Variants in DGKH observed in about 807,000 individuals in gnomAD.
The protein encoded by DGKH is DAG kinase eta.
Under a neutral mutation model 159.3 loss-of-function variants are expected in DGKH, and 90 were observed. The ratio of observed to expected loss-of-function variants is 0.57; its 90% CI spans 0.48 to 0.67. The LOEUF (loss-of-function observed/expected upper bound fraction) is 0.67. Among genes scored for constraint, DGKH ranks in the 30% least tolerant of loss-of-function variants. DGKH has a pLI of 0.00. For synonymous variants in DGKH, 536 were observed against 553.8 expected, an observed-to-expected ratio of 0.97 and a Z score of 0.45; for missense variants, 1,181 against 1,506.1, an observed-to-expected ratio of 0.78 and a Z score of 3.57.
At chr13:42,225,836 G>T (rs415359) in intron 29 of DGKH, among the ~76,000 whole-genome samples, 145,819 of 151,160 alleles carry the variant, frequency 0.96, 70,381 homozygotes, top group East Asian at 1. Flanking sequence ...AATAAAGATA[G>T]AACAAATGTC....
chr13:42,107,610 C>T (rs1021947760), intron 1 of DGKH, among the ~76,000 whole-genome samples: 1 of 152,102 alleles, frequency 6.6e-6, no homozygotes, highest in Admixed American at 6.5e-5. Flanking sequence ...ATCTGTTTTT[C>T]CTGTTTCTGT....
intron 2 of DGKH, 63 bp downstream of exon 2, chr13:42,127,636 C>A: frequency 7.4e-7 from 1 of 1,360,496 alleles, no homozygotes; most frequent in Non-Finnish European, 1.0e-6. Context: ...AATTTTGGTT[C>A]TGTAAGCTGT....
In DGKH at chr13:42,242,355, C is replaced by A. The variant is rs1958529850; in HGVS notation, c.*13167C>A. On this transcript the variant is annotated 3_prime_UTR_variant, in exon 30 of 30. Transcript: ENST00000337343. Reference sequence around the variant, plus strand: ...ACTAAGCACTTGTGTCTGAAAGATGCAGATAATATCTATCTATTTATTACA... The same window carrying A: ...ACTAAGCACTTGTGTCTGAAAGATGAAGATAATATCTATCTATTTATTACA... The A allele has an allele frequency of 6.6e-6, 1 of 152,188 alleles. No individual in the cohort carries two copies. Among genetic ancestry groups the A allele is most frequent in the Non-Finnish European group, 1.5e-5 (1 of 68,030 alleles). 9.4% of individuals were successfully genotyped at this position (152,188 alleles called of 1,614,324 possible). A position where few individuals can be genotyped will look rare whatever the true frequency, so the allele number is the denominator to read the frequency against.
At chr13:42,075,104 G>A (rs1431928212) in intron 1 of DGKH, among the ~76,000 whole-genome samples, 8 of 152,090 alleles carry the variant, frequency 5.3e-5, no homozygotes, top group Non-Finnish European at 1.2e-4. Flanking sequence ...TCATATGGTT[G>A]GATTGTTATA....
chr13:42,084,252 A>C (rs1365990556), intron 1 of DGKH, among the ~76,000 whole-genome samples: 1 of 152,192 alleles, frequency 6.6e-6, no homozygotes, highest in East Asian at 1.9e-4. Context: ...AAATCACTTA[A>C]AAATTTTTTT....
intron 20 of DGKH, among the ~76,000 whole-genome samples, chr13:42,203,305 C>G (rs993590871): frequency 1.1e-4 from 16 of 152,204 alleles, no homozygotes; most frequent in Non-Finnish European, 1.8e-4. Flanking sequence ...GTTCAAACAG[C>G]TGATAAGTGG....
intron 17 of DGKH, among the ~76,000 whole-genome samples, chr13:42,196,132 C>A (rs1957198631): frequency 1.3e-5 from 2 of 152,100 alleles, no homozygotes; most frequent in Non-Finnish European, 2.9e-5. Flanking sequence ...TGACTGTGAT[C>A]AAAATAGACA....
chr13:42,251,971 G>C (rs928444191), intron 29 of DGKH, among the ~76,000 whole-genome samples: 4 of 152,080 alleles, frequency 2.6e-5, no homozygotes, highest in African/African-American at 9.7e-5. Context: ...GTTCCTAGCT[G>C]GTCTTCAAAA....
intron 11 of DGKH, among the ~76,000 whole-genome samples, chr13:42,171,291 AT>A (rs956932961): frequency 6.6e-6 from 1 of 152,198 alleles, no homozygotes; most frequent in Non-Finnish European, 1.5e-5. Context: ...TAGAACGGGC[AT>A]GGTAAACTGC....
At chr13:42,249,331 G>A (rs1198413073) in intron 29 of DGKH, among the ~76,000 whole-genome samples, 3 of 152,176 alleles carry the variant, frequency 2.0e-5, no homozygotes, top group Non-Finnish European at 4.4e-5. Flanking sequence ...AGGATGGAGT[G>A]AGCCCGGCCC....
At chr13:42,071,995 T>C (rs1202234769) in intron 1 of DGKH, among the ~76,000 whole-genome samples, 1 of 152,226 alleles carries the variant, frequency 6.6e-6, no homozygotes, top group Non-Finnish European at 1.5e-5. Flanking sequence ...GTAAAGACCC[T>C]GGCATCACTA....
intron 1 of DGKH, among the ~76,000 whole-genome samples, chr13:42,113,345 G>T (rs943989576): frequency 1.1e-4 from 17 of 152,258 alleles, no homozygotes; most frequent in Non-Finnish European, 1.9e-4. Context: ...AGAGATTTTA[G>T]TATGTGTAGG....
intron 1 of DGKH, among the ~76,000 whole-genome samples, chr13:42,123,844 A>T (rs1259677938): frequency 6.6e-6 from 1 of 152,172 alleles, no homozygotes; most frequent in Non-Finnish European, 1.5e-5. Context: ...GTTGGTGAGG[A>T]TGTGAAGCAA....
Position 42,195,002 on chromosome 13 carries a change from G to A in DGKH, c.2153G>A (p.Arg718Lys), listed in dbSNP as rs539855622. ...GAAAACCTCCCTGTGCTCAATACCA[G>A]AATAATCTGCCCAGGTAGTACAGAT... ...SKENLPVLNT[R>K]IICPGLRAGL... Residue 718 changes from arginine (R) to lysine (K), a missense_variant, in exon 17 of 30, where the codon AGA becomes AAA. Around this residue, in one of 5 missense-constraint regions of DGKH, gnomAD observed 257 missense variants for 281.5 expected, o/e 0.91. Transcript: ENST00000337343. The A allele has an allele frequency of 9.9e-6, 16 of 1,613,824 alleles. 1 individual carries two copies. The South Asian group carries it at 1.6e-4, about 17-fold the overall frequency.
chr13:42,114,104 G>T (rs894805245), intron 1 of DGKH, among the ~76,000 whole-genome samples: 1 of 152,138 alleles, frequency 6.6e-6, no homozygotes, highest in Admixed American at 6.5e-5. Flanking sequence ...TATTAATGTG[G>T]ACAAGATAGA....
chr13:42,156,850 A>G lies in DGKH; in HGVS notation c.622+1051A>G, dbSNP rs1956060324. ...GATACACCATAGTGGTTAAGAATAG[A>G]GCTCTTCAGTCAAACCCTCTTCCAC... is the stretch of plus-strand genomic sequence containing the variant. On this transcript the variant is annotated intron_variant, in intron 5 of 29. Coordinates refer to ENST00000337343, the MANE Select transcript of DGKH (RefSeq NM_178009.5). Among the ~76,000 whole-genome samples, 7 of 152,236 alleles carry G rather than the reference A, an allele frequency of 4.6e-5. No individual in the cohort carries two copies. In the South Asian group the frequency reaches 1.4e-3, roughly 31 times the overall value.
chr13:42,256,478 A>G, exon 31 of DGKH: 3 of 1,245,078 alleles, frequency 2.4e-6, no homozygotes, highest in Non-Finnish European at 3.6e-6. Flanking sequence ...TGGCTATCTC[A>G]CACCAGAACA....
rs1164182945 is a variant in DGKH, at chr13:42,235,629, T to C, written c.*6441T>C. ...CGTATCTATTTCTGTATACCAAGTA[T>C]TAAGCTGATATGTAGCTAAATATTT... On this transcript the variant is annotated 3_prime_UTR_variant, in exon 30 of 30. Coordinates refer to ENST00000337343, the MANE Select transcript of DGKH (RefSeq NM_178009.5). 1 of 152,174 alleles carries C rather than the reference T, an allele frequency of 6.6e-6. No individual in the cohort carries two copies. The highest frequency in any genetic ancestry group is 2.4e-5 in the African/African-American group (1 of 41,462). The allele number at this position is 152,174 out of a possible 1,614,324, so 9.4% of individuals were successfully genotyped here.
At position 42,234,118 on chromosome 13, in the gene DGKH, AC is replaced by A. The variant is rs1251647599; in HGVS notation, c.*4935del. On this transcript the variant is annotated 3_prime_UTR_variant, in exon 30 of 30. Coordinates refer to ENST00000337343, the MANE Select transcript of DGKH (RefSeq NM_178009.5). ...TGAAGAATAATATTTCATATTCTTGACCCCCAAATAACAGTTTACTTAATTT... is the reference window on the plus strand; with the variant it reads ...TGAAGAATAATATTTCATATTCTTGACCCCAAATAACAGTTTACTTAATTT... The A allele has an allele frequency of 7.4e-6, 1 of 136,012 alleles. No homozygotes were observed. The highest frequency in any genetic ancestry group is 1.6e-5 in the Non-Finnish European group (1 of 63,614). 8.4% of individuals were successfully genotyped at this position (136,012 alleles called of 1,614,324 possible).
Sources: allele counts gnomAD v4.1 joint callset (sites outside exome capture counted in the v4.1 genomes callset), GRCh38; gene constraint gnomAD v4.1.1; regional missense constraint gnomAD v4.1.1; transcripts MANE v1.5; gene names NCBI Gene and HGNC (gene_info 2026-07-23, HGNC 2026-07-21).